GMDS: variants seen among roughly 807,000 people sequenced by gnomAD.
The protein encoded by GMDS is GDP-mannose 4,6 dehydratase.
Under a neutral mutation model 49.9 loss-of-function variants are expected in GMDS, and 20 were observed. That is an observed-to-expected ratio of 0.40 (90% CI 0.28 to 0.58). The LOEUF (loss-of-function observed/expected upper bound fraction) is 0.58, where lower values mean the gene tolerates loss of function less well. Among genes scored for constraint, GMDS ranks in the 20% least tolerant of loss-of-function variants. GMDS has a pLI of 0.42. For synonymous variants in GMDS, 177 were observed against 178.6 expected, an observed-to-expected ratio of 0.99 and a Z score of 0.07; for missense variants, 362 against 481.4, an observed-to-expected ratio of 0.75 and a Z score of 2.32.
Position 1,624,166 on chromosome 6 carries a change from T to A in GMDS, c.*3A>T. 6.2e-7 allele frequency: 1 copy of A among 1,608,392 alleles called. No homozygotes were observed. The highest frequency in any genetic ancestry group is 8.5e-7 in the Non-Finnish European group (1 of 1,179,384). ...GAGGGCGGGCCGGGCTCCGAGGCGC[T>A]GCTCAGGCATTGGGGTTTGTCCTCA... is the stretch of plus-strand genomic sequence containing the variant. On this transcript the variant is annotated 3_prime_UTR_variant, in exon 11 of 11. Transcript: ENST00000380815.
rs114189778 is a variant in GMDS at position 2,170,188 on chromosome 6, A to G, written c.103-45457T>C. 5.5e-3 allele frequency among the ~76,000 whole-genome samples: 836 copies of G among 150,912 alleles called. 2 individuals are homozygous for G. The highest frequency in any genetic ancestry group is 0.017 in the Middle Eastern group (5 of 294). ...ATTGCACTCCAGCCTGGGCAACAACAACGAAACTACATCTCAAAAAAAAAA... is the reference window on the plus strand; with the variant it reads ...ATTGCACTCCAGCCTGGGCAACAACGACGAAACTACATCTCAAAAAAAAAA... On this transcript the variant is annotated intron_variant, in intron 1 of 10. Coordinates refer to ENST00000380815, the MANE Select transcript of GMDS (RefSeq NM_001500.4).
chr6:1,884,081 A>G (rs1199927649), intron 7 of GMDS, among the ~76,000 whole-genome samples: 2 of 152,228 alleles, frequency 1.3e-5, no homozygotes, highest in Non-Finnish European at 2.9e-5. Flanking sequence ...AAGGAAAAGG[A>G]GCCACAATTA....
intron 9 of GMDS, among the ~76,000 whole-genome samples, chr6:1,652,383 ATATATAT>A (rs1561700425): frequency 2.3e-4 from 2 of 8,828 alleles, no homozygotes; most frequent in African/African-American, 5.9e-4. Flanking sequence ...AAAAAAAAAT[ATATATAT>A]ATTATATATA....
chr6:2,049,343 T>C (rs1279626049), intron 4 of GMDS, among the ~76,000 whole-genome samples: 1 of 152,228 alleles, frequency 6.6e-6, no homozygotes, highest in Non-Finnish European at 1.5e-5. Context: ...CTAAATGTAT[T>C]GGGTATGTCC....
intron 1 of GMDS, among the ~76,000 whole-genome samples, chr6:2,184,160 T>C (rs1778675981): frequency 1.3e-5 from 2 of 152,158 alleles, no homozygotes; most frequent in African/African-American, 4.8e-5. Context: ...TTCTCTCCAT[T>C]TTCTCTGCCC....
At chr6:2,212,945 T>C (rs1024230149) in intron 1 of GMDS, among the ~76,000 whole-genome samples, 4 of 152,232 alleles carry the variant, frequency 2.6e-5, no homozygotes, top group African/African-American at 4.8e-5. Flanking sequence ...TCATTTCTTC[T>C]GTATGCCCAT....
intron 4 of GMDS, among the ~76,000 whole-genome samples, chr6:2,070,441 A>G (rs890806823): frequency 1.3e-5 from 2 of 152,132 alleles, no homozygotes; most frequent in African/African-American, 4.8e-5. Flanking sequence ...AAGAAAAACC[A>G]TTATCAAAAT....
chr6:1,779,357 G>A (rs1397513698), intron 7 of GMDS, among the ~76,000 whole-genome samples: 1 of 152,204 alleles, frequency 6.6e-6, no homozygotes. Context: ...GCATCCTGAT[G>A]CATTTGCCAA....
intron 9 of GMDS, among the ~76,000 whole-genome samples, chr6:1,690,054 G>A (rs942394262): frequency 2.0e-5 from 3 of 152,104 alleles, no homozygotes; most frequent in Admixed American, 6.6e-5. Context: ...GTAGTGAACC[G>A]AGATCGCATC....
chr6:1,896,115 A>C (rs1400323879), intron 7 of GMDS, among the ~76,000 whole-genome samples: 1 of 152,122 alleles, frequency 6.6e-6, no homozygotes. Flanking sequence ...TGATTATGTA[A>C]GGGCTGGAGC....
intron 4 of GMDS, among the ~76,000 whole-genome samples, chr6:1,986,632 T>C (rs1419711440): frequency 6.6e-6 from 1 of 152,108 alleles, no homozygotes; most frequent in Non-Finnish European, 1.5e-5. Flanking sequence ...AGTATGAAAA[T>C]GAAAGGAGGG....
chr6:1,685,567 T>G (rs147580301), intron 9 of GMDS, among the ~76,000 whole-genome samples: 99 of 152,314 alleles, frequency 6.5e-4, no homozygotes, highest in African/African-American at 2.3e-3. Flanking sequence ...TCTCCATTCA[T>G]GCCAACAATG....
intron 9 of GMDS, among the ~76,000 whole-genome samples, chr6:1,698,326 T>C (rs976429018): frequency 6.6e-6 from 1 of 152,228 alleles, no homozygotes; most frequent in Non-Finnish European, 1.5e-5. Flanking sequence ...ACAACACCTA[T>C]GAGGTTGGAA....
intron 1 of GMDS, among the ~76,000 whole-genome samples, chr6:2,155,997 T>C (rs1777094490): frequency 6.6e-6 from 1 of 152,176 alleles, no homozygotes; most frequent in Admixed American, 6.5e-5. Context: ...CATTGTTTTT[T>C]ACATTTATTA....
intron 7 of GMDS, among the ~76,000 whole-genome samples, chr6:1,797,198 A>G (rs1769775483): frequency 6.6e-6 from 1 of 152,326 alleles, no homozygotes; most frequent in South Asian, 2.1e-4. Context: ...CGAGGGATCC[A>G]GGTGGCACAC....
chr6:1,704,429 C>A (rs907298756), intron 9 of GMDS, among the ~76,000 whole-genome samples: 1 of 151,954 alleles, frequency 6.6e-6, no homozygotes, highest in African/African-American at 2.4e-5. Flanking sequence ...TGAGCAAGAG[C>A]GTGTCTGTGA....
intron 7 of GMDS, among the ~76,000 whole-genome samples, chr6:1,914,582 G>A (rs910936251): frequency 6.6e-6 from 1 of 152,112 alleles, no homozygotes; most frequent in African/African-American, 2.4e-5. Flanking sequence ...ACAGTCTCAT[G>A]AAGTCCCAAT....
At chr6:1,716,914 T>A (rs1766196275) in intron 9 of GMDS, among the ~76,000 whole-genome samples, 1 of 152,222 alleles carries the variant, frequency 6.6e-6, no homozygotes, top group African/African-American at 2.4e-5. Context: ...GTTGCCCAAA[T>A]GTATCAGCGG....
chr6:2,201,223 G>C lies in GMDS; in HGVS notation c.102+44098C>G, dbSNP rs1291051335. Reference sequence around the variant, plus strand: ...GAGAGAGCACCACATGGACATCCGAGATGTAACAACCATCTAGGCAGTGAG... The same window carrying C: ...GAGAGAGCACCACATGGACATCCGACATGTAACAACCATCTAGGCAGTGAG... On this transcript the variant is annotated intron_variant, in intron 1 of 10. Coordinates refer to ENST00000380815, the MANE Select transcript of GMDS (RefSeq NM_001500.4). 2.3e-4 allele frequency among the ~76,000 whole-genome samples: 30 copies of C among 132,348 alleles called. 1 individual carries two copies. The highest frequency in any genetic ancestry group is 8.2e-4 in the African/African-American group (28 of 34,036). 86.8% of individuals were successfully genotyped at this position (132,348 alleles called of 152,430 possible).
Sources: allele counts gnomAD v4.1 joint callset (sites outside exome capture counted in the v4.1 genomes callset), GRCh38; gene constraint gnomAD v4.1.1; transcripts MANE v1.5; gene names NCBI Gene and HGNC (gene_info 2026-07-23, HGNC 2026-07-21).